TOX3: variants seen among roughly 807,000 people sequenced by gnomAD.
TOX3 encodes TOX high mobility group box family member 3, also known as CAG trinucleotide repeat-containing gene F9 protein.
Under a neutral mutation model 64.3 loss-of-function variants are expected in TOX3, and 22 were observed. The ratio of observed to expected loss-of-function variants is 0.34; its 90% CI spans 0.24 to 0.49. TOX3 has a LOEUF of 0.49. Among genes scored for constraint, TOX3 ranks in the 20% least tolerant of loss-of-function variants. TOX3 has a pLI of 0.99. For synonymous variants in TOX3, 291 were observed against 273.6 expected (o/e 1.06, Z -0.63); for missense variants, 661 against 714.4 (o/e 0.93, Z 0.85).
chr16:52,456,513 G>T (rs549449244), intron 3 of TOX3, among the ~76,000 whole-genome samples: 1 of 152,284 alleles, frequency 6.6e-6, no homozygotes, highest in South Asian at 2.1e-4. Context: ...CCTTGGTGGG[G>T]GTAGGGGAGT....
chr16:52,445,525 A>G (rs1960137902), intron 5 of TOX3: 1 of 153,354 alleles, frequency 6.5e-6, no homozygotes, highest in Non-Finnish European at 1.5e-5. Flanking sequence ...ATGAACTTGG[A>G]ATAAAATTTC....
chr16:52,511,089 C>T (rs970726766), intron 1 of TOX3, among the ~76,000 whole-genome samples: 1 of 152,162 alleles, frequency 6.6e-6, no homozygotes, highest in African/African-American at 2.4e-5. Flanking sequence ...TTTAAAGGGA[C>T]TCCCGCAGGT....
intron 1 of TOX3, among the ~76,000 whole-genome samples, chr16:52,514,588 G>A (rs1596847530): frequency 6.6e-6 from 1 of 152,160 alleles, no homozygotes; most frequent in East Asian, 1.9e-4. Context: ...GGCTATGGGA[G>A]GATGAGTATA....
In TOX3 at chr16:52,492,225, A is replaced by G. The variant is rs903187836; in HGVS notation, c.88-23651T>C. 6.6e-4 allele frequency among the ~76,000 whole-genome samples: 97 copies of G among 147,096 alleles called. 1 individual carries two copies. Among genetic ancestry groups the G allele is most frequent in the Non-Finnish European group, 1.3e-4 (9 of 66,914 alleles). On this transcript the variant is annotated intron_variant, in intron 1 of 6. Transcript: ENST00000219746. Reference sequence around the variant, plus strand: ...AAACTAATATATATATTTATATTATATATTATATATATTTATATTATATAT... The same window carrying G: ...AAACTAATATATATATTTATATTATGTATTATATATATTTATATTATATAT...
rs1960156375 is a variant in TOX3 at position 52,446,165 on chromosome 16, C to T, written c.735G>A (p.Lys245=). The part of the protein sequence containing the change: ...PDSGKKPKTP[K]KKKKKDPNEP... ...CATTGGGATCTTTCTTTTTCTTTTT[C>T]TTTGGAGTCTTGGGCTTCTTGCCAG... Residue 245 remains lysine, a synonymous_variant, in exon 5 of 7, where the codon AAG becomes AAA. Coordinates refer to ENST00000219746, the MANE Select transcript of TOX3 (RefSeq NM_001080430.4). 1 of 1,613,706 alleles carries T rather than the reference C, an allele frequency of 6.2e-7. No individual in the cohort carries two copies. The highest frequency in any genetic ancestry group is 8.5e-7 in the Non-Finnish European group (1 of 1,179,842).
intron 1 of TOX3, among the ~76,000 whole-genome samples, chr16:52,539,453 T>A (rs1963029102): frequency 1.3e-5 from 2 of 152,236 alleles, no homozygotes; most frequent in African/African-American, 4.8e-5. Context: ...CTTGTTTATG[T>A]CATTGTTTTT....
chr16:52,454,223 C>T (rs1960446529), intron 3 of TOX3, among the ~76,000 whole-genome samples: 1 of 151,570 alleles, frequency 6.6e-6, no homozygotes, highest in Admixed American at 6.6e-5. Context: ...ATTGAGGTTC[C>T]TCATAATATT....
At chr16:52,455,605 AAG>A (rs1444285022) in intron 3 of TOX3, among the ~76,000 whole-genome samples, 1 of 152,180 alleles carries the variant, frequency 6.6e-6, no homozygotes, top group Non-Finnish European at 1.5e-5. Context: ...GGTTATACAA[AAG>A]AGAGTTATTG....
At chr16:52,453,365 G>A (rs1265077669) in intron 3 of TOX3, among the ~76,000 whole-genome samples, 2 of 151,788 alleles carry the variant, frequency 1.3e-5, no homozygotes, top group East Asian at 3.9e-4. Flanking sequence ...TGTATTTTTA[G>A]TAGAGACGGG....
chr16:52,451,739 T>C (rs775178164), intron 3 of TOX3, among the ~76,000 whole-genome samples: 3 of 152,194 alleles, frequency 2.0e-5, no homozygotes, highest in Non-Finnish European at 4.4e-5. Context: ...TGCCACTCAA[T>C]GAGAAGATCT....
intron 1 of TOX3, among the ~76,000 whole-genome samples, chr16:52,537,983 A>C (rs1230124635): frequency 6.6e-6 from 1 of 152,120 alleles, no homozygotes; most frequent in African/African-American, 2.4e-5. Context: ...AGATCCAGCT[A>C]TGCCTGAAAC....
intron 1 of TOX3, among the ~76,000 whole-genome samples, chr16:52,469,864 T>A (rs1032793220): frequency 3.9e-5 from 6 of 152,320 alleles, no homozygotes; most frequent in African/African-American, 1.2e-4. Flanking sequence ...CTACACTTTA[T>A]CATGTCAGGG....
At chr16:52,440,128 T>A (rs569237528) in intron 6 of TOX3, among the ~76,000 whole-genome samples, 160 bp from the exon 7 acceptor site, 128 of 152,318 alleles carry the variant, frequency 8.4e-4, no homozygotes, top group African/African-American at 3.0e-3. Flanking sequence ...CACTCCTCCC[T>A]GAGGTGGAGT....
intron 1 of TOX3, among the ~76,000 whole-genome samples, chr16:52,471,863 G>T (rs1961055308): frequency 6.6e-6 from 1 of 152,128 alleles, no homozygotes; most frequent in African/African-American, 2.4e-5. Flanking sequence ...GTAGACTGAG[G>T]CTTCTAGGGC....
At chr16:52,528,646 C>T (rs547393105) in intron 1 of TOX3, among the ~76,000 whole-genome samples, 11 of 152,120 alleles carry the variant, frequency 7.2e-5, no homozygotes, top group South Asian at 2.1e-4. Flanking sequence ...TGAGTCTAAC[C>T]TTAGATAAGC....
Position 52,439,139 on chromosome 16 carries a change from A to G in TOX3, c.*86T>C. 1 of 1,582,490 alleles carries G rather than the reference A, an allele frequency of 6.3e-7. No homozygotes were observed. Among genetic ancestry groups the G allele is most frequent in the Admixed American group, 1.8e-5 (1 of 56,286 alleles). The stretch of plus-strand genomic sequence containing the variant: ...TGTTACACATTTCTGCATAACCAAC[A>G]CCAACTTACAGGTTTCAGCCACATA... On this transcript the variant is annotated 3_prime_UTR_variant, in exon 7 of 7. Transcript: ENST00000219746.
chr16:52,499,312 C>T (rs1394039427), intron 1 of TOX3, among the ~76,000 whole-genome samples: 2 of 152,200 alleles, frequency 1.3e-5, no homozygotes, highest in Non-Finnish European at 2.9e-5. Context: ...ATGCAAAACC[C>T]AGTCCTTGCA....
intron 1 of TOX3, among the ~76,000 whole-genome samples, chr16:52,504,051 A>T (rs1962083088): frequency 6.6e-6 from 1 of 152,200 alleles, no homozygotes; most frequent in African/African-American, 2.4e-5. Flanking sequence ...TAATCCAGGG[A>T]TTAAGTAGTT....
At chr16:52,544,036 A>G (rs1481474942) in intron 1 of TOX3, among the ~76,000 whole-genome samples, 1 of 152,200 alleles carries the variant, frequency 6.6e-6, no homozygotes, top group African/African-American at 2.4e-5. Flanking sequence ...AGTTTCCCAG[A>G]TGGTCATTAA....
Sources: gnomAD v4.1 joint callset for allele counts (sites outside exome capture counted in the v4.1 genomes callset) on GRCh38, gnomAD v4.1.1 for gene constraint, MANE v1.5 for transcripts, NCBI Gene and HGNC (gene_info 2026-07-23, HGNC 2026-07-21) for gene names.